The following RBMS3 variants were observed in gnomAD, a reference collection of about 807,000 sequenced individuals.
The protein encoded by RBMS3 is RNA binding motif single stranded interacting protein 3.
In RBMS3, 27 loss-of-function variants were observed where a neutral mutation model predicts 66.8. The observed-to-expected ratio is 0.40, with a 90% CI of 0.30 to 0.56. The LOEUF is 0.56. Ranked by LOEUF, RBMS3 falls within the 20% of genes least tolerant of loss-of-function variation. RBMS3 has a pLI of 0.40. For missense variants in RBMS3, 513 were observed against 549.5 expected (o/e 0.93, Z 0.66); for synonymous variants, 188 against 183.0 (o/e 1.03, Z -0.22).
At chr3:29,707,154 G>T (rs1453621524) in intron 4 of RBMS3, among the ~76,000 whole-genome samples, 1 of 152,074 alleles carries the variant, frequency 6.6e-6, no homozygotes, top group Non-Finnish European at 1.5e-5. Flanking sequence ...TTTCACATCT[G>T]GAAAATGTTC....
chr3:29,806,440 T>G (rs2057550376), intron 6 of RBMS3, among the ~76,000 whole-genome samples: 1 of 151,956 alleles, frequency 6.6e-6, no homozygotes, highest in South Asian at 2.1e-4. Context: ...TACCATATTT[T>G]GTGCAATATT....
Position 29,817,026 on chromosome 3 carries a change from G to A in RBMS3, c.638-51832G>A, listed in dbSNP as rs149452963. On this transcript the variant is annotated intron_variant, in intron 6 of 14. Coordinates refer to ENST00000383767, the MANE Select transcript of RBMS3 (RefSeq NM_001003793.3). ...GAATCGCTTGAACCCTGGAGGCAGA[G>A]GTTGCCGTGAGCCGAGATCGAACCA... Among the ~76,000 whole-genome samples, 274 of 152,180 alleles carry A rather than the reference G, an allele frequency of 1.8e-3. 2 individuals carry two copies. The highest frequency in any genetic ancestry group is 3.1e-3 in the Non-Finnish European group (208 of 68,018).
chr3:29,295,816 TA>T (rs2033222574), intron 1 of RBMS3, among the ~76,000 whole-genome samples: 1 of 151,768 alleles, frequency 6.6e-6, no homozygotes, highest in Non-Finnish European at 1.5e-5. Context: ...CTAAAATATA[TA>T]TTCAGGGTAC....
chr3:29,505,420 T>A (rs2044144156), intron 3 of RBMS3, among the ~76,000 whole-genome samples: 1 of 151,938 alleles, frequency 6.6e-6, no homozygotes, highest in South Asian at 2.1e-4. Context: ...ATCTATGTAA[T>A]AGTTTTTATG....
intron 4 of RBMS3, among the ~76,000 whole-genome samples, chr3:29,728,379 G>GA (rs1318904829): frequency 1.3e-5 from 2 of 152,012 alleles, no homozygotes; most frequent in African/African-American, 2.4e-5. Context: ...AACATCTAAA[G>GA]AAAAATGTAA....
intron 4 of RBMS3, among the ~76,000 whole-genome samples, chr3:29,624,739 C>G (rs1031045283): frequency 4.6e-5 from 7 of 152,036 alleles, no homozygotes; most frequent in African/African-American, 2.4e-5. Flanking sequence ...TAGGTATAAA[C>G]ATATTCTTTG....
chr3:29,570,495 G>A lies in RBMS3; in HGVS notation c.308-16619G>A, dbSNP rs117115413. On this transcript the variant is annotated intron_variant, in intron 3 of 14. Transcript: ENST00000383767. ...CCCCTGCTACAGTTCCCAGCCTCTG[G>A]TAACCATCCTTCTACTGTCTATCTC... is the stretch of plus-strand genomic sequence containing the variant. 1.3e-4 allele frequency among the ~76,000 whole-genome samples: 20 copies of A among 151,870 alleles called. No homozygotes were observed. The East Asian group carries it at 3.7e-3, about 28-fold the overall frequency.
In RBMS3 at chr3:29,527,141, C is replaced by T. The variant is rs113980326; in HGVS notation, c.307+38642C>T. Reference sequence around the variant, plus strand: ...GGCCATGATATCTAGGAGGACCCAACGAGTGACAATAGGGTTTCAGACGTG... The same window carrying T: ...GGCCATGATATCTAGGAGGACCCAATGAGTGACAATAGGGTTTCAGACGTG... On this transcript the variant is annotated intron_variant, in intron 3 of 14. Coordinates refer to ENST00000383767, the MANE Select transcript of RBMS3 (RefSeq NM_001003793.3). Among the ~76,000 whole-genome samples, 10 of 120,770 alleles carry T rather than the reference C, an allele frequency of 8.3e-5. No homozygotes were observed. In the South Asian group the frequency reaches 1.6e-3, roughly 19 times the overall value. 79.2% of individuals were successfully genotyped at this position (120,770 alleles called of 152,430 possible). A position where few individuals can be genotyped will look rare whatever the true frequency, so the allele number is the denominator to read the frequency against.
intron 14 of RBMS3, among the ~76,000 whole-genome samples, chr3:29,992,711 G>A (rs144634954): frequency 6.6e-6 from 1 of 152,260 alleles, no homozygotes; most frequent in African/African-American, 2.4e-5. Context: ...CAAGCCGAGT[G>A]AGGGGGTCAG....
At chr3:29,788,790 A>C (rs1304138248) in intron 6 of RBMS3, among the ~76,000 whole-genome samples, 1 of 152,172 alleles carries the variant, frequency 6.6e-6, no homozygotes, top group Non-Finnish European at 1.5e-5. Context: ...GTATATGCTT[A>C]TTTAATTTTG....
intron 1 of RBMS3, among the ~76,000 whole-genome samples, chr3:29,308,120 T>G (rs2034127715): frequency 6.6e-6 from 1 of 151,910 alleles, no homozygotes; most frequent in African/African-American, 2.4e-5. Context: ...TATAAATTTC[T>G]GTTATTTTTA....
At position 29,607,004 on chromosome 3, in the gene RBMS3, A is replaced by G. The variant is rs148566850; in HGVS notation, c.399+19799A>G. Among the ~76,000 whole-genome samples the G allele has an allele frequency of 7.9e-5, 12 of 152,134 alleles. No individual in the cohort carries two copies. The East Asian group carries it at 2.1e-3, about 27-fold the overall frequency. ...TAAATAAAATAATCTGACAGAGAAA[A>G]AAGTACTGTTTGCTTCACAGTTTCA... On this transcript the variant is annotated intron_variant, in intron 4 of 14. Transcript: ENST00000383767.
rs144166645 is a variant in RBMS3, at chr3:29,677,244, G to A, written c.400-62476G>A. 9.2e-5 allele frequency among the ~76,000 whole-genome samples: 14 copies of A among 152,194 alleles called. No homozygotes were observed. The East Asian group carries it at 2.7e-3, about 29-fold the overall frequency. ...GATTAAATTTCAACATGAGATTTGGGTGAGGACACAAATCCAAACCATATC... is the reference window on the plus strand; with the variant it reads ...GATTAAATTTCAACATGAGATTTGGATGAGGACACAAATCCAAACCATATC... On this transcript the variant is annotated intron_variant, in intron 4 of 14. Coordinates refer to ENST00000383767, the MANE Select transcript of RBMS3 (RefSeq NM_001003793.3).
chr3:29,586,595 T>C (rs2047527740), intron 3 of RBMS3, among the ~76,000 whole-genome samples: 1 of 152,148 alleles, frequency 6.6e-6, no homozygotes, highest in African/African-American at 2.4e-5. Flanking sequence ...TTAAACCCTC[T>C]CATCCACAAT....
rs531723091 is a variant in RBMS3 at position 29,705,778 on chromosome 3, T to C, written c.400-33942T>C. Among the ~76,000 whole-genome samples, 4 of 152,312 alleles carry C rather than the reference T, an allele frequency of 2.6e-5. No individual in the cohort carries two copies. In the South Asian group the frequency reaches 6.2e-4, roughly 24 times the overall value. On this transcript the variant is annotated intron_variant, in intron 4 of 14. Coordinates refer to ENST00000383767, the MANE Select transcript of RBMS3 (RefSeq NM_001003793.3). ...AAAAACTGAGATAACATATATGATA[T>C]ACAAATTCATGCAAATATTAGGAAT...
At chr3:29,640,190 A>T (rs1469666817) in intron 4 of RBMS3, among the ~76,000 whole-genome samples, 1 of 151,686 alleles carries the variant, frequency 6.6e-6, no homozygotes. Flanking sequence ...ATGTACTAGG[A>T]TGACTCCAGA....
intron 1 of RBMS3, among the ~76,000 whole-genome samples, chr3:29,347,275 T>G (rs985610184): frequency 6.6e-6 from 1 of 152,234 alleles, no homozygotes; most frequent in African/African-American, 2.4e-5. Flanking sequence ...CTTTTAAGTT[T>G]CATGTAAATC....
At chr3:29,309,075 A>C (rs2034210214) in intron 1 of RBMS3, among the ~76,000 whole-genome samples, 1 of 151,774 alleles carries the variant, frequency 6.6e-6, no homozygotes. Context: ...AGTTCTGTTG[A>C]AAGTGAAAAG....
intron 6 of RBMS3, among the ~76,000 whole-genome samples, chr3:29,817,962 AT>A (rs2057961878): frequency 1.3e-5 from 2 of 152,152 alleles, no homozygotes; most frequent in African/African-American, 4.8e-5. Flanking sequence ...CACCTGCTAT[AT>A]GCTATACTCT....
Sources: allele counts gnomAD v4.1 joint callset (sites outside exome capture counted in the v4.1 genomes callset), GRCh38; gene constraint gnomAD v4.1.1; transcripts MANE v1.5; gene names NCBI Gene and HGNC (gene_info 2026-07-23, HGNC 2026-07-21).